PTPRN2: variants seen among roughly 807,000 people sequenced by gnomAD.
PTPRN2 encodes protein tyrosine phosphatase receptor type N2, also known as receptor-type tyrosine-protein phosphatase N2.
Under a neutral mutation model 118.8 loss-of-function variants are expected in PTPRN2, and 74 were observed. That is an observed-to-expected ratio of 0.62 (90% CI 0.52 to 0.76). The LOEUF is 0.76. Ranked by LOEUF, PTPRN2 falls within the 30% of genes least tolerant of loss-of-function variation. The probability of loss-of-function intolerance (pLI) is 0.00; values close to 1 mark genes in which losing one functional copy is unlikely to be tolerated. For synonymous variants in PTPRN2, 641 were observed against 608.0 expected (o/e 1.05, Z -0.80); for missense variants, 1,481 against 1,394.4 (o/e 1.06, Z -0.99).
rs1802239292 is a variant in PTPRN2, at chr7:157,763,049, AC to A, written c.1789-80113del. 6.6e-6 allele frequency among the ~76,000 whole-genome samples: 1 copy of A among 151,150 alleles called. No homozygotes were observed. The highest frequency in any genetic ancestry group is 2.4e-5 in the African/African-American group (1 of 40,978). ...CCACTCACAGTCGGTCACAGGGCTA[AC>A]CCTCCATCAGAGCCCACGGCCGCCC... On this transcript the variant is annotated intron_variant, in intron 12 of 22. Coordinates refer to ENST00000389418, the MANE Select transcript of PTPRN2 (RefSeq NM_002847.5). This position sits in a 1 kb window ranked among gnomAD's most constrained non-coding sequence, Gnocchi z 4.9.
At chr7:157,623,153 A>G (rs1489071835) in intron 14 of PTPRN2, among the ~76,000 whole-genome samples, 1 of 152,246 alleles carries the variant, frequency 6.6e-6, no homozygotes, top group Non-Finnish European at 1.5e-5. Flanking sequence ...CATCAAATTC[A>G]TATTTTTGTA....
At chr7:158,462,531 T>C (rs1209354331) in intron 2 of PTPRN2, among the ~76,000 whole-genome samples, 1 of 152,140 alleles carries the variant, frequency 6.6e-6, no homozygotes, top group African/African-American at 2.4e-5. Flanking sequence ...GCCATGAAAA[T>C]GGTGGTAGAG....
At chr7:158,549,046 C>G (rs1394792449) in intron 1 of PTPRN2, among the ~76,000 whole-genome samples, 1 of 152,176 alleles carries the variant, frequency 6.6e-6, no homozygotes, top group South Asian at 2.1e-4. Context: ...CAGTGCCACC[C>G]CAGGGGGGCC....
chr7:158,156,724 C>T lies in PTPRN2; in HGVS notation c.910+10207G>A, dbSNP rs564427094. On this transcript the variant is annotated intron_variant, in intron 6 of 22. Coordinates refer to ENST00000389418, the MANE Select transcript of PTPRN2 (RefSeq NM_002847.5). ...CTCACCCGTGGGAAGGGGAAAGGCT[C>T]CCCCAGTGCCTTCCCTACACCTGCC... Among the ~76,000 whole-genome samples, 77 of 152,318 alleles carry T rather than the reference C, an allele frequency of 5.1e-4. No homozygotes were observed. The Middle Eastern group carries it at 0.014, about 27-fold the overall frequency.
In PTPRN2 at chr7:158,205,217, G is replaced by A. The variant is rs997800273; in HGVS notation, c.334C>T (p.Leu112Phe). 6.2e-7 allele frequency: 1 copy of A among 1,614,118 alleles called. No homozygotes were observed. ...QYVMDQELAD[L>F]PKTYLRRPEA... ...GGACGCCTCAGGTAGGTTTTCGGGAGGTCTGCAAGTTCCTGGTCCATCACA... is the reference window on the plus strand; with the variant it reads ...GGACGCCTCAGGTAGGTTTTCGGGAAGTCTGCAAGTTCCTGGTCCATCACA... The change falls in exon 4 of 23, where the codon CTC (leucine) becomes TTC (phenylalanine). Residue 112 changes from leucine (L) to phenylalanine (F), a missense_variant. Leu to Phe is a conservative substitution (Grantham distance 22, BLOSUM62 0). Around this residue, in one of 3 missense-constraint regions of PTPRN2, gnomAD observed 1,115 missense variants for 994.2 expected, o/e 1.12. Coordinates refer to ENST00000389418, the MANE Select transcript of PTPRN2 (RefSeq NM_002847.5).
In PTPRN2 at chr7:157,578,071, A is replaced by T. The variant is rs758424840; in HGVS notation, c.2566T>A (p.Cys856Ser). ...CCTTCATCCGGCCAGTAGTGGTAGC[A>T]CTGCCGGACGCCGTTCTCCGCGAGG... ...TPLAENGVRQCYHYWPDEGSN... is the reference protein window; with the variant it reads ...TPLAENGVRQSYHYWPDEGSN... Residue 856 changes from cysteine to serine, a missense_variant, in exon 18 of 23, where the codon TGC (cysteine) becomes AGC (serine). Physicochemically the swap from Cys to Ser is moderately radical, Grantham distance 112. Transcript: ENST00000389418. The T allele has an allele frequency of 1.9e-6, 3 of 1,613,584 alleles. No individual in the cohort carries two copies. Among genetic ancestry groups the T allele is most frequent in the Non-Finnish European group, 2.5e-6 (3 of 1,179,794 alleles).
intron 2 of PTPRN2, among the ~76,000 whole-genome samples, chr7:158,376,586 T>C (rs1366261778): frequency 9.9e-4 from 39 of 39,516 alleles, no homozygotes; most frequent in African/African-American, 1.7e-3. Flanking sequence ...CAGGGGACTC[T>C]CCCACAGCCC....
chr7:158,008,073 CTG>C (rs146985842), intron 11 of PTPRN2, among the ~76,000 whole-genome samples: 20,140 of 119,152 alleles, frequency 0.17, 1,389 homozygotes, highest in Middle Eastern at 0.23. Context: ...TGTGGGTGTG[CTG>C]TGTGTGGGTG....
At position 158,121,060 on chromosome 7, in the gene PTPRN2, A is replaced by C. The variant is rs538855985; in HGVS notation, c.1557-10145T>G. Among the ~76,000 whole-genome samples the C allele has an allele frequency of 1.3e-4, 20 of 152,218 alleles. No individual in the cohort carries two copies. In the South Asian group the frequency reaches 4.2e-3, roughly 32 times the overall value. ...CCCTTCCTTTTTTTCGTGTGGCTGC[A>C]GGTTCCTTCCTCCCGGCTCCTGTGC... On this transcript the variant is annotated intron_variant, in intron 9 of 22. Transcript: ENST00000389418.
chr7:158,071,582 CCTG>C (rs1563392145), intron 11 of PTPRN2, among the ~76,000 whole-genome samples: 262 of 7,374 alleles, frequency 0.036, 5 homozygotes, highest in East Asian at 0.075. Flanking sequence ...TGGAGGTGCT[CCTG>C]GTGGAGGTGC....
At position 157,952,405 on chromosome 7, in the gene PTPRN2, C is replaced by T. The variant is rs895079945; in HGVS notation, c.1724-53668G>A. Among the ~76,000 whole-genome samples, 11 of 27,076 alleles carry T rather than the reference C, an allele frequency of 4.1e-4. No homozygotes were observed. The East Asian group carries it at 4.6e-3, about 11-fold the overall frequency. 17.8% of individuals were successfully genotyped at this position (27,076 alleles called of 152,430 possible). A position where few individuals can be genotyped will look rare whatever the true frequency, so the allele number is the denominator to read the frequency against. On this transcript the variant is annotated intron_variant, in intron 11 of 22. Coordinates refer to ENST00000389418, the MANE Select transcript of PTPRN2 (RefSeq NM_002847.5). ...GGGTGGGTAGTGTGCATCCCTGAGA[C>T]GGGGTGGGGGACACGGGGGGAGACA...
At position 157,900,459 on chromosome 7, in the gene PTPRN2, C is replaced by A. The variant is rs143992242; in HGVS notation, c.1724-1722G>T. Reference sequence around the variant, plus strand: ...TCTAAGGGTGTCTGTCCATCCTTGACCTCAACATCCAGACCTCTGGCTCCA... The same window carrying A: ...TCTAAGGGTGTCTGTCCATCCTTGAACTCAACATCCAGACCTCTGGCTCCA... On this transcript the variant is annotated intron_variant, in intron 11 of 22. Transcript: ENST00000389418. Among the ~76,000 whole-genome samples the A allele has an allele frequency of 6.6e-3, 1,007 of 152,354 alleles. 6 individuals carry two copies. Among genetic ancestry groups the A allele is most frequent in the Non-Finnish European group, 9.8e-3 (667 of 68,036 alleles).
At chr7:158,106,057 C>A (rs1563442123) in intron 10 of PTPRN2, among the ~76,000 whole-genome samples, 2 of 152,124 alleles carry the variant, frequency 1.3e-5, no homozygotes, top group Non-Finnish European at 2.9e-5. Flanking sequence ...CATCTCCATT[C>A]CAACTCCATT....
intron 2 of PTPRN2, among the ~76,000 whole-genome samples, chr7:158,355,779 G>C (rs1330382249): frequency 1.3e-5 from 2 of 152,230 alleles, no homozygotes; most frequent in African/African-American, 4.8e-5. Context: ...AAGCATCCAG[G>C]GAACGCAGGG....
At chr7:158,584,335 A>C (rs1828804697) in intron 1 of PTPRN2, among the ~76,000 whole-genome samples, 1 of 152,226 alleles carries the variant, frequency 6.6e-6, no homozygotes, top group Admixed American at 6.5e-5. Context: ...CTTATGTTCA[A>C]GTTAAACTTA....
rs941467983 is a variant in PTPRN2, at chr7:158,517,492, C to A, written c.113-27707G>T. ...CTTAAGGGGCCTGACTCTGCCTCAG[C>A]CCCACCGCCCCCCAGCCTGAGCCCC... On this transcript the variant is annotated intron_variant, in intron 1 of 22. Coordinates refer to ENST00000389418, the MANE Select transcript of PTPRN2 (RefSeq NM_002847.5). This position sits in a 1 kb window ranked among gnomAD's most constrained non-coding sequence, Gnocchi z 5.3. Among the ~76,000 whole-genome samples, 1 of 152,152 alleles carries A rather than the reference C, an allele frequency of 6.6e-6. No homozygotes were observed. The highest frequency in any genetic ancestry group is 1.5e-5 in the Non-Finnish European group (1 of 68,014).
intron 3 of PTPRN2, among the ~76,000 whole-genome samples, chr7:158,315,114 G>A (rs113932628): frequency 1.5e-4 from 5 of 32,740 alleles, no homozygotes; most frequent in South Asian, 1.8e-3. Context: ...AGGTGAACCC[G>A]GGACCCCCTG....
At chr7:157,555,963 A>G (rs1798856097) in intron 21 of PTPRN2, among the ~76,000 whole-genome samples, 1 of 152,214 alleles carries the variant, frequency 6.6e-6, no homozygotes. Context: ...ACGCTGTGGG[A>G]GGACTGGGCT....
rs59912129 is a variant in PTPRN2, at chr7:157,808,503, C to T, written c.1788+90170G>A. Among the ~76,000 whole-genome samples the T allele has an allele frequency of 0.021, 3,144 of 152,170 alleles. 47 individuals are homozygous for T. Among genetic ancestry groups the T allele is most frequent in the African/African-American group, 0.047 (1,951 of 41,506 alleles). ...GTGCATGTGAGGGATCCAGGTTGCACGCTCCTTATGAAAATCTAATGCCTG... is the reference window on the plus strand; with the variant it reads ...GTGCATGTGAGGGATCCAGGTTGCATGCTCCTTATGAAAATCTAATGCCTG... On this transcript the variant is annotated intron_variant, in intron 12 of 22. Coordinates refer to ENST00000389418, the MANE Select transcript of PTPRN2 (RefSeq NM_002847.5). This position sits in a 1 kb window ranked among gnomAD's most constrained non-coding sequence, Gnocchi z 5.0.
Sources: gnomAD v4.1 joint callset for allele counts (sites outside exome capture counted in the v4.1 genomes callset) on GRCh38, gnomAD v4.1.1 for gene constraint, gnomAD v4.1.1 regional missense constraint, Gnocchi (gnomAD v3.1) non-coding constraint, MANE v1.5 for transcripts, NCBI Gene and HGNC (gene_info 2026-07-23, HGNC 2026-07-21) for gene names.